The following ADAMTS3 variants were observed in gnomAD, a reference collection of about 807,000 sequenced individuals.
ADAMTS3 encodes the protein ADAM metallopeptidase with thrombospondin type 1 motif 3, also known as A disintegrin and metalloproteinase with thrombospondin motifs 3.
In ADAMTS3, 73 loss-of-function variants were observed where a neutral mutation model predicts 129.0. The ratio of observed to expected loss-of-function variants is 0.57; its 90% CI spans 0.47 to 0.69. ADAMTS3 has a LOEUF of 0.69. ADAMTS3 is among the 30% of genes least tolerant of loss of function. ADAMTS3 has a pLI of 0.00. For synonymous variants in ADAMTS3, 477 were observed against 510.8 expected (o/e 0.93, Z 0.89); for missense variants, 1,457 against 1,514.5 (o/e 0.96, Z 0.63).
chr4:72,552,333 G>C (rs1374949206), intron 2 of ADAMTS3, among the ~76,000 whole-genome samples: 2 of 152,134 alleles, frequency 1.3e-5, no homozygotes, highest in Admixed American at 1.3e-4. Flanking sequence ...ATAAAATCAT[G>C]TAGAAGATTC....
chr4:72,454,811 G>A (rs1261611325), intron 3 of ADAMTS3, among the ~76,000 whole-genome samples: 1 of 151,648 alleles, frequency 6.6e-6, no homozygotes, highest in Non-Finnish European at 1.5e-5. Context: ...CCAGAATCTG[G>A]GCTGTGGACA....
intron 17 of ADAMTS3, among the ~76,000 whole-genome samples, chr4:72,301,927 G>A (rs1718959709): frequency 6.6e-6 from 1 of 152,068 alleles, no homozygotes; most frequent in Non-Finnish European, 1.5e-5. Context: ...GTCTGTGTAT[G>A]CTCAAGCCAA....
intron 3 of ADAMTS3, among the ~76,000 whole-genome samples, chr4:72,469,184 T>C (rs574798482): frequency 9.2e-5 from 14 of 152,280 alleles, no homozygotes; most frequent in Non-Finnish European, 1.0e-4. Context: ...CACGTGTATA[T>C]TCAGAAATAT....
chr4:72,363,984 C>T (rs2109858490), intron 4 of ADAMTS3, among the ~76,000 whole-genome samples: 2 of 151,932 alleles, frequency 1.3e-5, no homozygotes, highest in Middle Eastern at 6.8e-3. Flanking sequence ...AAAAGATCTC[C>T]AATATATTAC....
intron 5 of ADAMTS3, among the ~76,000 whole-genome samples, chr4:72,324,316 C>T (rs956028822): frequency 1.3e-5 from 2 of 152,104 alleles, no homozygotes; most frequent in Admixed American, 6.6e-5. Context: ...ACCAAGAAGT[C>T]TCAATTGAAT....
intron 2 of ADAMTS3, among the ~76,000 whole-genome samples, chr4:72,550,110 A>AGG (rs1279304533): frequency 3.6e-5 from 5 of 139,008 alleles, no homozygotes; most frequent in Admixed American, 7.1e-5. Context: ...GAAGAAGAAG[A>AGG]AGAAGAAGGC....
intron 3 of ADAMTS3, among the ~76,000 whole-genome samples, chr4:72,516,307 C>T (rs1720477357): frequency 6.6e-6 from 1 of 152,102 alleles, no homozygotes; most frequent in Non-Finnish European, 1.5e-5. Context: ...TTAGGATTGA[C>T]TTGGCAATGC....
chr4:72,431,636 C>T (rs1012235179), intron 3 of ADAMTS3, among the ~76,000 whole-genome samples: 2 of 151,944 alleles, frequency 1.3e-5, no homozygotes, highest in East Asian at 1.9e-4. Context: ...GTCTCACCCC[C>T]AAGGTACTCA....
At chr4:72,550,686 G>A (rs1721622874) in intron 2 of ADAMTS3, among the ~76,000 whole-genome samples, 1 of 152,008 alleles carries the variant, frequency 6.6e-6, no homozygotes, top group Admixed American at 6.6e-5. Flanking sequence ...AGGTTGTGAG[G>A]AAGATTTGGT....
intron 3 of ADAMTS3, among the ~76,000 whole-genome samples, chr4:72,466,267 G>A (rs1430199389): frequency 6.6e-6 from 1 of 152,016 alleles, no homozygotes; most frequent in Non-Finnish European, 1.5e-5. Context: ...ACAGGAGGAT[G>A]TAGAAGAAGA....
rs576121851 is a variant in ADAMTS3, at chr4:72,314,334, T to C, written c.1600-512A>G. 3.5e-4 allele frequency among the ~76,000 whole-genome samples: 54 copies of C among 152,296 alleles called. 1 individual carries two copies. The South Asian group carries it at 9.3e-3, about 26-fold the overall frequency. ...TTTCATTAACAATGATTCTGAGAGA[T>C]AGATGGGTCATACATATATCATCAA... On this transcript the variant is annotated intron_variant, in intron 11 of 21. Coordinates refer to ENST00000286657, the MANE Select transcript of ADAMTS3 (RefSeq NM_014243.3).
intron 4 of ADAMTS3, among the ~76,000 whole-genome samples, chr4:72,373,926 T>C (rs978624828): frequency 5.0e-5 from 5 of 99,732 alleles, no homozygotes; most frequent in African/African-American, 8.2e-5. Context: ...ATAATAATAA[T>C]AATAATAATA....
intron 3 of ADAMTS3, among the ~76,000 whole-genome samples, chr4:72,516,326 T>TGCATCCCAGGGATGAAGCCCACTTGATCA (rs1720478604): frequency 6.6e-6 from 1 of 152,148 alleles, no homozygotes; most frequent in African/African-American, 2.4e-5. Context: ...GCGGGCTCTT[T>TGCATCCCAGGGATGAAGCCCACTTGATCA]TTTGTTCCAT....
At chr4:72,371,036 G>A (rs1374246710) in intron 4 of ADAMTS3, among the ~76,000 whole-genome samples, 1 of 152,078 alleles carries the variant, frequency 6.6e-6, no homozygotes, top group Non-Finnish European at 1.5e-5. Flanking sequence ...TGTGAAGAGA[G>A]AGGCAGAGAC....
intron 4 of ADAMTS3, among the ~76,000 whole-genome samples, chr4:72,367,877 T>C (rs968488618): frequency 6.6e-6 from 1 of 151,502 alleles, no homozygotes; most frequent in African/African-American, 2.4e-5. Context: ...AGACAACTAG[T>C]TGGGAGTCTA....
chr4:72,442,808 G>T (rs560623821), intron 3 of ADAMTS3, among the ~76,000 whole-genome samples: 99 of 151,878 alleles, frequency 6.5e-4, no homozygotes, highest in Non-Finnish European at 4.7e-4. Flanking sequence ...GACAGAGGCA[G>T]CTTTCTGTTT....
At chr4:72,514,427 A>G (rs1176321049) in intron 3 of ADAMTS3, among the ~76,000 whole-genome samples, 2 of 152,194 alleles carry the variant, frequency 1.3e-5, no homozygotes, top group Non-Finnish European at 2.9e-5. Context: ...AAAAACAAAC[A>G]TTATCATCAG....
At chr4:72,364,183 G>C (rs1720806792) in intron 4 of ADAMTS3, among the ~76,000 whole-genome samples, 1 of 150,872 alleles carries the variant, frequency 6.6e-6, no homozygotes, top group South Asian at 2.2e-4. Flanking sequence ...TCAAAACACA[G>C]AACCATGCAT....
intron 3 of ADAMTS3, among the ~76,000 whole-genome samples, chr4:72,477,919 T>C (rs374202775): frequency 2.0e-5 from 3 of 151,708 alleles, no homozygotes; most frequent in Non-Finnish European, 2.9e-5. Context: ...AACACCTCTA[T>C]GCAAATAAAC....
Sources: allele counts gnomAD v4.1 joint callset (sites outside exome capture counted in the v4.1 genomes callset), GRCh38; gene constraint gnomAD v4.1.1; transcripts MANE v1.5; gene names NCBI Gene and HGNC (gene_info 2026-07-23, HGNC 2026-07-21).